Variants in C2CD5 observed in about 807,000 individuals in gnomAD.
C2CD5 encodes the protein C2 calcium dependent domain containing 5.
C2CD5 carries 109 observed loss-of-function variants against 130.3 expected under a neutral mutation model. The observed-to-expected ratio is 0.84, with a 90% confidence interval of 0.72 to 0.98. C2CD5 has a LOEUF of 0.98. C2CD5 is among the 50% of genes least tolerant of loss of function. The pLI is 0.00. For missense variants in C2CD5, 996 were observed against 1,261.8 expected (o/e 0.79, Z 3.19); for synonymous variants, 454 against 429.2 (o/e 1.06, Z -0.71).
chr12:22,509,694 T>C (rs564005668), intron 9 of C2CD5, among the ~76,000 whole-genome samples: 6 of 152,348 alleles, frequency 3.9e-5, no homozygotes, highest in African/African-American at 1.4e-4. Flanking sequence ...CAAGTACTTC[T>C]ATGTGCCAGG....
At chr12:22,542,084 T>C (rs1952444132) in intron 2 of C2CD5, among the ~76,000 whole-genome samples, 1 of 152,236 alleles carries the variant, frequency 6.6e-6, no homozygotes, top group African/African-American at 2.4e-5. Context: ...AATCCATTCC[T>C]ATTCCCATTC....
chr12:22,476,766 G>A (rs931683970), intron 15 of C2CD5, among the ~76,000 whole-genome samples: 10 of 152,068 alleles, frequency 6.6e-5, no homozygotes, highest in African/African-American at 2.4e-4. Flanking sequence ...TGGATTTACA[G>A]AGGTGAGAAA....
chr12:22,518,071 G>C lies in C2CD5; in HGVS notation c.867C>G (p.Asn289Lys). 6.2e-7 allele frequency: 1 copy of C among 1,613,824 alleles called. No homozygotes were observed. Among genetic ancestry groups the C allele is most frequent in the Non-Finnish European group, 8.5e-7 (1 of 1,179,688 alleles). Residue 289 changes from asparagine (N) to lysine (K), a missense_variant, in exon 8 of 27, where the codon AAC becomes AAG. Asn to Lys is a moderately conservative substitution (Grantham distance 94). This residue lies in a region of C2CD5 where 156 missense variants were observed against 165.9 expected (regional missense o/e 0.94). Coordinates refer to ENST00000446597, the MANE Select transcript of C2CD5 (RefSeq NM_001286176.2). ...TGGAAGGTGAAAAGGAATAAGTTTG[G>C]TTTTTCAGAGGGGTTGAGGGTCCTG... ...HSSGPSTPLK[N>K]QTYSFSPSKS...
intron 8 of C2CD5, among the ~76,000 whole-genome samples, chr12:22,516,482 G>A (rs1037832278): frequency 1.3e-5 from 2 of 150,996 alleles, no homozygotes; most frequent in Non-Finnish European, 3.0e-5. Context: ...AAAATTTGGA[G>A]CCAGAAGATA....
chr12:22,475,895 T>C (rs919366830), intron 15 of C2CD5, among the ~76,000 whole-genome samples: 2 of 152,162 alleles, frequency 1.3e-5, no homozygotes, highest in Non-Finnish European at 2.9e-5. Flanking sequence ...CTAGCAAGTG[T>C]AGAGCCAGTC....
chr12:22,534,294 A>G (rs1173444735), intron 3 of C2CD5, among the ~76,000 whole-genome samples: 1 of 152,138 alleles, frequency 6.6e-6, no homozygotes, highest in East Asian at 1.9e-4. Context: ...AAACTCTTAC[A>G]AAAAAACATA....
At chr12:22,506,419 C>G (rs1948543188) in intron 10 of C2CD5, among the ~76,000 whole-genome samples, 1 of 152,008 alleles carries the variant, frequency 6.6e-6, no homozygotes, top group Non-Finnish European at 1.5e-5. Context: ...CCATAATGGT[C>G]AATTTATAAA....
At chr12:22,478,201 A>G (rs538203807) in intron 15 of C2CD5, 112 bp downstream of exon 15, 3 of 798,680 alleles carry the variant, frequency 3.8e-6, no homozygotes, top group Admixed American at 2.0e-5. Flanking sequence ...AGAATGAGTA[A>G]TAAGGAGAGC....
At chr12:22,530,884 A>G (rs552165015) in intron 3 of C2CD5, among the ~76,000 whole-genome samples, 1 of 152,278 alleles carries the variant, frequency 6.6e-6, no homozygotes, top group East Asian at 1.9e-4. Context: ...CCAGTTTATT[A>G]CCATCATCAT....
chr12:22,520,225 T>C (rs1177265375), intron 7 of C2CD5, among the ~76,000 whole-genome samples: 1 of 152,160 alleles, frequency 6.6e-6, no homozygotes, highest in Non-Finnish European at 1.5e-5. Context: ...ATATGAATCA[T>C]ATGTGAGTAC....
chr12:22,456,873 G>T, intron 25 of C2CD5, 98 bp downstream of exon 25: 1 of 672,098 alleles, frequency 1.5e-6, no homozygotes, highest in Non-Finnish European at 2.5e-6. Flanking sequence ...ATAAATATTT[G>T]TAAGTTTTTG....
chr12:22,454,516 A>T (rs917588574), intron 25 of C2CD5, among the ~76,000 whole-genome samples: 2 of 151,898 alleles, frequency 1.3e-5, no homozygotes, highest in Non-Finnish European at 2.9e-5. Context: ...CAAATGCACA[A>T]GCACTCTTCC....
intron 2 of C2CD5, among the ~76,000 whole-genome samples, chr12:22,538,263 A>C (rs933913888): frequency 5.9e-5 from 9 of 152,242 alleles, no homozygotes; most frequent in African/African-American, 2.2e-4. Flanking sequence ...AAAAGTACGA[A>C]CAAAGAATCC....
intron 15 of C2CD5, among the ~76,000 whole-genome samples, chr12:22,475,728 T>C (rs780550934): frequency 1.1e-4 from 17 of 152,290 alleles, no homozygotes; most frequent in Admixed American, 3.9e-4. Flanking sequence ...ACTGCACAAT[T>C]TCATAATGTA....
Position 22,471,980 on chromosome 12 carries a change from TCA to T in C2CD5, c.2253_2254del (p.Cys751Ter), listed in dbSNP as rs1943111606. On this transcript the variant is annotated stop_gained and frameshift_variant, in exon 19 of 27. Coordinates refer to ENST00000446597, the MANE Select transcript of C2CD5 (RefSeq NM_001286176.2). LOFTEE classifies it high-confidence loss of function. ...GAAGGTTCCTACCTTGAGCAAATTT[TCA>T]CAGAGATCATTAAAGTTCTTATTGA... The T allele has an allele frequency of 1.9e-6, 3 of 1,600,464 alleles. No homozygotes were observed. Among genetic ancestry groups the T allele is most frequent in the South Asian group, 1.1e-5 (1 of 90,730 alleles).
intron 9 of C2CD5, among the ~76,000 whole-genome samples, chr12:22,509,477 A>G (rs553893351): frequency 1.3e-4 from 20 of 152,094 alleles, no homozygotes; most frequent in African/African-American, 4.8e-4. Context: ...GCCACGACCC[A>G]CTCTCCACCT....
chr12:22,534,374 A>G (rs1331889330), intron 3 of C2CD5, among the ~76,000 whole-genome samples: 2 of 152,228 alleles, frequency 1.3e-5, no homozygotes, highest in African/African-American at 4.8e-5. Context: ...AAATAAATAT[A>G]TTGGACTTCA....
At chr12:22,526,448 A>C (rs1950724603) in intron 4 of C2CD5, among the ~76,000 whole-genome samples, 1 of 152,236 alleles carries the variant, frequency 6.6e-6, no homozygotes, top group Admixed American at 6.5e-5. Flanking sequence ...ATAGCTGTTA[A>C]GTGGCAGATC....
intron 9 of C2CD5, among the ~76,000 whole-genome samples, chr12:22,507,385 C>T (rs1948682928): frequency 6.6e-6 from 1 of 152,022 alleles, no homozygotes; most frequent in South Asian, 2.1e-4. Flanking sequence ...TGAGGTTACT[C>T]TATCAACACC....
Sources: allele counts gnomAD v4.1 joint callset (sites outside exome capture counted in the v4.1 genomes callset), GRCh38; gene constraint gnomAD v4.1.1; regional missense constraint gnomAD v4.1.1; transcripts MANE v1.5; gene names NCBI Gene and HGNC (gene_info 2026-07-23, HGNC 2026-07-21).